The following GALNT13 variants were observed in gnomAD, a reference collection of about 807,000 sequenced individuals.
GALNT13 encodes polypeptide N-acetylgalactosaminyltransferase 13.
Under a neutral mutation model 64.2 loss-of-function variants are expected in GALNT13, and 28 were observed. The ratio of observed to expected loss-of-function variants is 0.44; its 90% CI spans 0.32 to 0.60. GALNT13 has a LOEUF of 0.60. Ranked by LOEUF, GALNT13 falls within the 20% of genes least tolerant of loss-of-function variation. The probability of loss-of-function intolerance (pLI) is 0.05; values close to 1 mark genes in which losing one functional copy is unlikely to be tolerated. For synonymous variants in GALNT13, 214 were observed against 224.6 expected, an observed-to-expected ratio of 0.95 and a Z score of 0.42; for missense variants, 577 against 669.8, an observed-to-expected ratio of 0.86 and a Z score of 1.53.
intron 3 of GALNT13, among the ~76,000 whole-genome samples, chr2:154,098,998 C>A (rs1336469711): frequency 6.6e-6 from 1 of 152,000 alleles, no homozygotes; most frequent in African/African-American, 2.4e-5. Flanking sequence ...AATCTCCATG[C>A]CGTTTCCCAT....
chr2:153,199,126 G>C, the GALNT13 span, among the ~76,000 whole-genome samples: 2 of 152,214 alleles, frequency 1.3e-5, no homozygotes, highest in African/African-American at 4.8e-5. Context: ...GATCATCCCA[G>C]GTTTCTTGGG....
the GALNT13 span, among the ~76,000 whole-genome samples, chr2:153,237,946 A>T: frequency 1.3e-5 from 2 of 152,118 alleles, no homozygotes; most frequent in African/African-American, 4.8e-5. Flanking sequence ...TTACATGCCC[A>T]CCACCAGTGT....
the GALNT13 span, among the ~76,000 whole-genome samples, chr2:153,441,841 T>G: frequency 2.0e-5 from 3 of 152,324 alleles, no homozygotes; most frequent in East Asian, 5.8e-4. Context: ...CTTAAGTAGA[T>G]TTGGAGCTGA....
the GALNT13 span, among the ~76,000 whole-genome samples, chr2:153,532,515 T>C: frequency 6.6e-6 from 1 of 152,182 alleles, no homozygotes; most frequent in East Asian, 1.9e-4. Flanking sequence ...GTCTTGACTA[T>C]TAGTAATTGT....
chr2:153,478,631 G>C, the GALNT13 span: 1 of 1,309,646 alleles, frequency 7.6e-7, no homozygotes, highest in Non-Finnish European at 1.0e-6. Flanking sequence ...GGCGCTGGAG[G>C]AACAGGTGCC....
intron 3 of GALNT13, among the ~76,000 whole-genome samples, chr2:154,011,728 G>T (rs1696650440): frequency 6.6e-6 from 1 of 152,032 alleles, no homozygotes; most frequent in African/African-American, 2.4e-5. Context: ...CTAAAAACTT[G>T]TTTTATGAAT....
chr2:153,413,513 T>A, the GALNT13 span, among the ~76,000 whole-genome samples: 1 of 152,188 alleles, frequency 6.6e-6, no homozygotes, highest in South Asian at 2.1e-4. Flanking sequence ...CTATTTAGCA[T>A]TGACTAATTT....
At chr2:154,352,194 C>G (rs1219858893) in intron 9 of GALNT13, among the ~76,000 whole-genome samples, 1 of 152,114 alleles carries the variant, frequency 6.6e-6, no homozygotes, top group Non-Finnish European at 1.5e-5. Flanking sequence ...ATTGCTGCAC[C>G]TGCCTCAATC....
intron 4 of GALNT13, among the ~76,000 whole-genome samples, chr2:154,208,519 G>C (rs1687589474): frequency 6.6e-6 from 1 of 151,920 alleles, no homozygotes; most frequent in Non-Finnish European, 1.5e-5. Context: ...TTGTTTCCTG[G>C]AGTCATGCAG....
At chr2:153,841,289 T>G in the GALNT13 span, among the ~76,000 whole-genome samples, 1 of 152,156 alleles carries the variant, frequency 6.6e-6, no homozygotes, top group Non-Finnish European at 1.5e-5. Context: ...TAAAAATACA[T>G]AGCTATTCAA....
chr2:154,365,081 A>T (rs1697294558), intron 9 of GALNT13, among the ~76,000 whole-genome samples: 1 of 152,208 alleles, frequency 6.6e-6, no homozygotes, highest in Non-Finnish European at 1.5e-5. Flanking sequence ...CAATTTTCAC[A>T]TGAAAATTAG....
chr2:154,153,765 G>C (rs561208841), intron 4 of GALNT13, among the ~76,000 whole-genome samples: 1 of 152,178 alleles, frequency 6.6e-6, no homozygotes, highest in Non-Finnish European at 1.5e-5. Context: ...CTGGTGTGCC[G>C]TTTTTTAAGC....
the GALNT13 span, among the ~76,000 whole-genome samples, chr2:153,550,069 T>G: frequency 6.6e-6 from 1 of 152,304 alleles, no homozygotes; most frequent in East Asian, 1.9e-4. Context: ...CTGAAAGACA[T>G]GGAGGTCATT....
At chr2:154,114,318 G>A (rs1328384126) in intron 3 of GALNT13, among the ~76,000 whole-genome samples, 4 of 152,094 alleles carry the variant, frequency 2.6e-5, no homozygotes, top group Non-Finnish European at 5.9e-5. Flanking sequence ...TGGCACTGGG[G>A]AAATGACCAC....
At chr2:153,614,596 G>A in the GALNT13 span, among the ~76,000 whole-genome samples, 1 of 151,958 alleles carries the variant, frequency 6.6e-6, no homozygotes, top group East Asian at 1.9e-4. Flanking sequence ...GGGTACCAAA[G>A]ACTATTTGGA....
At chr2:154,072,159 T>C (rs1031368312) in intron 3 of GALNT13, among the ~76,000 whole-genome samples, 2 of 152,100 alleles carry the variant, frequency 1.3e-5, no homozygotes, top group African/African-American at 4.8e-5. Flanking sequence ...ATTCATGAAA[T>C]GACAGGCAAG....
the GALNT13 span, among the ~76,000 whole-genome samples, chr2:153,251,699 G>C: frequency 2.8e-5 from 4 of 143,094 alleles, no homozygotes; most frequent in South Asian, 6.6e-4. Flanking sequence ...CAGTTCCCAC[G>C]TATGAGTGAG....
intron 4 of GALNT13, among the ~76,000 whole-genome samples, chr2:154,143,860 C>CAAAA (rs34582475): frequency 6.8e-5 from 4 of 58,914 alleles, no homozygotes; most frequent in African/African-American, 8.8e-5. Context: ...GACTCTGTCT[C>CAAAA]AAAAAAAAAA....
At chr2:153,698,733 T>C in the GALNT13 span, among the ~76,000 whole-genome samples, 2 of 152,204 alleles carry the variant, frequency 1.3e-5, no homozygotes, top group African/African-American at 2.4e-5. Flanking sequence ...CTGGATCAAG[T>C]GGACTTAACA....
Sources: allele counts gnomAD v4.1 joint callset (sites outside exome capture counted in the v4.1 genomes callset), GRCh38; gene constraint gnomAD v4.1.1; transcripts MANE v1.5; gene names NCBI Gene and HGNC (gene_info 2026-07-23, HGNC 2026-07-21).